The following CADM2 variants were observed in gnomAD, a reference collection of about 807,000 sequenced individuals.
CADM2 encodes cell adhesion molecule 2.
In CADM2, 12 loss-of-function variants were observed where a neutral mutation model predicts 49.8. The ratio of observed to expected loss-of-function variants is 0.24; its 90% CI spans 0.15 to 0.39. CADM2 has a LOEUF of 0.39. CADM2 is among the 10% of genes least tolerant of loss of function. The pLI is 1.00. For synonymous variants in CADM2, 214 were observed against 175.4 expected, an observed-to-expected ratio of 1.22 and a Z score of -1.74; for missense variants, 378 against 492.3, an observed-to-expected ratio of 0.77 and a Z score of 2.20.
chr3:85,189,660 A>T (rs2041157364), intron 1 of CADM2, among the ~76,000 whole-genome samples: 1 of 152,194 alleles, frequency 6.6e-6, no homozygotes, highest in Admixed American at 6.5e-5. Context: ...ATGATGGCTG[A>T]TTTTAAACAA....
chr3:85,761,844 A>C (rs554286952), intron 2 of CADM2, among the ~76,000 whole-genome samples: 42 of 152,266 alleles, frequency 2.8e-4, no homozygotes, highest in Admixed American at 4.6e-4. Flanking sequence ...AGAGCTTACA[A>C]TATTTCATCA....
At chr3:85,543,421 T>TGTGTGTGGGGGTGTGTGTGTGTGTGGGG (rs1491106808) in intron 1 of CADM2, among the ~76,000 whole-genome samples, 9 of 41,852 alleles carry the variant, frequency 2.2e-4, no homozygotes, top group African/African-American at 4.9e-4. Context: ...GCCAAGCTAA[T>TGTGTGTGGGGGTGTGTGTGTGTGTGGGG]GTGTGTGTGT....
chr3:85,318,084 A>C (rs1281838848), intron 1 of CADM2, among the ~76,000 whole-genome samples: 2 of 151,638 alleles, frequency 1.3e-5, no homozygotes, highest in Non-Finnish European at 2.9e-5. Context: ...CAGTGGGAGG[A>C]TCACTAGCCC....
intron 1 of CADM2, among the ~76,000 whole-genome samples, chr3:85,600,708 A>G (rs1192658004): frequency 6.6e-6 from 1 of 151,764 alleles, no homozygotes; most frequent in Non-Finnish European, 1.5e-5. Flanking sequence ...AGATACAAAC[A>G]TAATACAAAA....
intron 1 of CADM2, among the ~76,000 whole-genome samples, chr3:85,249,741 G>T (rs1274688060): frequency 6.6e-6 from 1 of 151,724 alleles, no homozygotes; most frequent in Non-Finnish European, 1.5e-5. Context: ...ATACAATTTG[G>T]ATTTATTATT....
At chr3:85,899,480 T>C (rs1715799974) in intron 5 of CADM2, among the ~76,000 whole-genome samples, 1 of 152,166 alleles carries the variant, frequency 6.6e-6, no homozygotes, top group Non-Finnish European at 1.5e-5. Flanking sequence ...TTGATTTATT[T>C]CCTCATTGTA....
intron 1 of CADM2, among the ~76,000 whole-genome samples, chr3:85,658,848 G>A (rs1047935663): frequency 1.4e-4 from 21 of 149,704 alleles, no homozygotes; most frequent in African/African-American, 4.6e-4. Context: ...GCCAGGAGAT[G>A]GAGACCAGCC....
chr3:85,812,136 T>C (rs2072921059), intron 3 of CADM2, among the ~76,000 whole-genome samples: 1 of 151,992 alleles, frequency 6.6e-6, no homozygotes, highest in African/African-American at 2.4e-5. Context: ...TATATATGGG[T>C]GTGGTGGAAG....
In CADM2 at chr3:85,231,261, T is replaced by G. The variant is rs186958557; in HGVS notation, c.61+271593T>G. ...TTTTCATTGCTATGATTTATGTTTT[T>G]TCTTTGTGTGCAAATTCTCCCAAAT... On this transcript the variant is annotated intron_variant, in intron 1 of 9. Transcript: ENST00000383699. Among the ~76,000 whole-genome samples, 6 of 152,326 alleles carry G rather than the reference T, an allele frequency of 3.9e-5. No homozygotes were observed. In the East Asian group the frequency reaches 7.7e-4, roughly 20 times the overall value.
At chr3:85,225,675 T>A (rs1052009049) in intron 1 of CADM2, among the ~76,000 whole-genome samples, 1 of 152,206 alleles carries the variant, frequency 6.6e-6, no homozygotes, top group Non-Finnish European at 1.5e-5. Flanking sequence ...CCTTGTCTAG[T>A]GCTGGTTTTC....
At chr3:85,235,440 C>A (rs1452127) in intron 1 of CADM2, among the ~76,000 whole-genome samples, 14,500 of 152,054 alleles carry the variant, frequency 0.095, 859 homozygotes, top group African/African-American at 0.17. Context: ...TTCACATCCT[C>A]TTAGAATTGA....
chr3:85,747,488 G>A (rs2068663701), intron 2 of CADM2, among the ~76,000 whole-genome samples: 1 of 152,080 alleles, frequency 6.6e-6, no homozygotes, highest in Admixed American at 6.6e-5. Context: ...TACATGATGA[G>A]AGATTATTAG....
chr3:85,335,952 T>A (rs2045067912), intron 1 of CADM2, among the ~76,000 whole-genome samples: 1 of 151,456 alleles, frequency 6.6e-6, no homozygotes, highest in Non-Finnish European at 1.5e-5. Context: ...TTCTCTCTGA[T>A]TGTATTCATT....
chr3:85,135,362 T>C (rs1441879944), intron 1 of CADM2, among the ~76,000 whole-genome samples: 2 of 152,070 alleles, frequency 1.3e-5, no homozygotes, highest in African/African-American at 4.8e-5. Flanking sequence ...TGTAGTAATA[T>C]ATAATTATGC....
At chr3:85,857,928 T>C (rs1386530640) in intron 3 of CADM2, among the ~76,000 whole-genome samples, 1 of 152,232 alleles carries the variant, frequency 6.6e-6, no homozygotes, top group Non-Finnish European at 1.5e-5. Flanking sequence ...CTAATTTTAA[T>C]TCCCTTATTT....
intron 3 of CADM2, among the ~76,000 whole-genome samples, chr3:85,818,656 T>C (rs374609789): frequency 2.3e-4 from 35 of 152,304 alleles, no homozygotes; most frequent in African/African-American, 8.4e-4. Flanking sequence ...TATTATCTTT[T>C]ATCTTAGCAC....
At chr3:85,388,962 G>T (rs956571467) in intron 1 of CADM2, among the ~76,000 whole-genome samples, 5 of 152,036 alleles carry the variant, frequency 3.3e-5, no homozygotes, top group Admixed American at 2.0e-4. Flanking sequence ...ACCATCTGGG[G>T]GTATTGGATA....
At chr3:85,867,534 G>A (rs927933841) in intron 3 of CADM2, among the ~76,000 whole-genome samples, 1 of 151,938 alleles carries the variant, frequency 6.6e-6, no homozygotes. Context: ...TGAAAGGAAT[G>A]TTTCTTAGAT....
intron 6 of CADM2, among the ~76,000 whole-genome samples, chr3:85,931,004 G>A: frequency 6.6e-6 from 1 of 150,782 alleles, no homozygotes; most frequent in Non-Finnish European, 1.5e-5. Context: ...TAAACATCAG[G>A]CACCAATAAA....
Sources: gnomAD v4.1 joint callset for allele counts (sites outside exome capture counted in the v4.1 genomes callset) on GRCh38, gnomAD v4.1.1 for gene constraint, MANE v1.5 for transcripts, NCBI Gene and HGNC (gene_info 2026-07-23, HGNC 2026-07-21) for gene names.